NR3C1: variants seen among roughly 807,000 people sequenced by gnomAD.
NR3C1 encodes the protein nuclear receptor subfamily 3 group C member 1, also known as glucocorticoid receptor.
Under a neutral mutation model 74.0 loss-of-function variants are expected in NR3C1, and 14 were observed. The ratio of observed to expected loss-of-function variants is 0.19; its 90% CI spans 0.12 to 0.30. The LOEUF (loss-of-function observed/expected upper bound fraction) is 0.30, where lower values mean the gene tolerates loss of function less well. Ranked by LOEUF, NR3C1 falls within the 10% of genes least tolerant of loss-of-function variation. NR3C1 has a pLI of 1.00. For missense variants in NR3C1, 695 were observed against 909.8 expected (o/e 0.76, Z 3.04); for synonymous variants, 308 against 332.5 (o/e 0.93, Z 0.80).
intron 2 of NR3C1, among the ~76,000 whole-genome samples, chr5:143,363,605 G>A (rs570895935): frequency 3.3e-4 from 50 of 151,790 alleles, no homozygotes; most frequent in Non-Finnish European, 7.2e-4. Context: ...CTTAAAATCA[G>A]CTATTTTAAA....
At chr5:143,387,957 C>T (rs1183465970) in intron 2 of NR3C1, among the ~76,000 whole-genome samples, 6 of 152,178 alleles carry the variant, frequency 3.9e-5, no homozygotes, top group African/African-American at 7.2e-5. Context: ...ATACATTAGA[C>T]TCATCTGCTT....
chr5:143,302,887 A>G (rs1818797106), intron 4 of NR3C1, among the ~76,000 whole-genome samples: 1 of 152,104 alleles, frequency 6.6e-6, no homozygotes, highest in Non-Finnish European at 1.5e-5. Flanking sequence ...GTTGATTAGC[A>G]GTCAATACAG....
intron 4 of NR3C1, among the ~76,000 whole-genome samples, chr5:143,306,874 A>ATTTTTTTTT (rs70991802): frequency 1.9e-4 from 16 of 82,904 alleles, no homozygotes; most frequent in African/African-American, 7.6e-4. Flanking sequence ...GTATGCTTAA[A>ATTTTTTTTT]TTTTTTTTTT....
chr5:143,405,977 C>T (rs1841085439), upstream of NR3C1, among the ~76,000 whole-genome samples: 1 of 152,060 alleles, frequency 6.6e-6, no homozygotes, highest in Non-Finnish European at 1.5e-5. Flanking sequence ...TCATGGGAAA[C>T]AAATCAAGAC....
At chr5:143,346,551 T>G (rs1361902242) in intron 2 of NR3C1, among the ~76,000 whole-genome samples, 1 of 152,224 alleles carries the variant, frequency 6.6e-6, no homozygotes, top group African/African-American at 2.4e-5. Context: ...TAGACTTTTG[T>G]GTTACTGTAA....
At chr5:143,314,516 T>A (rs959693099) in intron 2 of NR3C1, among the ~76,000 whole-genome samples, 1 of 151,976 alleles carries the variant, frequency 6.6e-6, no homozygotes, top group Non-Finnish European at 1.5e-5. Context: ...TCTAAGTCTA[T>A]AATTTATGGT....
Position 143,340,049 on chromosome 5 carries a change from C to T in NR3C1, c.1185-25881G>A, listed in dbSNP as rs572302312. ...ATATTTTTAAAACATTCTATATATG[C>T]GACAAACAATTGGAAAATAAAATTT... On this transcript the variant is annotated intron_variant, in intron 2 of 8. Transcript: ENST00000394464. Among the ~76,000 whole-genome samples the T allele has an allele frequency of 9.2e-5, 14 of 151,824 alleles. No homozygotes were observed. In the South Asian group the frequency reaches 1.0e-3, roughly 11 times the overall value.
At chr5:143,423,452 C>T (rs72802812) in intron 1 of NR3C1, among the ~76,000 whole-genome samples, 24,353 of 151,946 alleles carry the variant, frequency 0.16, 2,183 homozygotes, top group Middle Eastern at 0.34. Context: ...CAGGGAATTA[C>T]GGATGCTCTC....
intron 2 of NR3C1, among the ~76,000 whole-genome samples, chr5:143,353,356 G>A (rs150633814): frequency 1.3e-5 from 2 of 152,144 alleles, no homozygotes; most frequent in East Asian, 1.9e-4. Context: ...CTCCTCCTGC[G>A]AATCACAAAT....
chr5:143,432,823 T>C (rs1260151942), intron 1 of NR3C1, among the ~76,000 whole-genome samples: 1 of 152,162 alleles, frequency 6.6e-6, no homozygotes, highest in Non-Finnish European at 1.5e-5. Flanking sequence ...AGTTTATCTT[T>C]AGAGGCTCCT....
At chr5:143,344,601 G>A (rs543571490) in intron 2 of NR3C1, among the ~76,000 whole-genome samples, 13 of 152,216 alleles carry the variant, frequency 8.5e-5, no homozygotes, top group South Asian at 2.1e-4. Flanking sequence ...GACTGGGCGC[G>A]GTAGCTCACG....
chr5:143,432,177 C>A (rs1219932348), intron 1 of NR3C1, among the ~76,000 whole-genome samples: 1 of 152,196 alleles, frequency 6.6e-6, no homozygotes, highest in Non-Finnish European at 1.5e-5. Context: ...CTGAATGTAG[C>A]ACCAAGTGTG....
rs181739047 is a variant in NR3C1 at position 143,421,663 on chromosome 5, G to A, written c.-14+12869C>T. On this transcript the variant is annotated intron_variant, in intron 1 of 8. Transcript: ENST00000343796. ...TAGCAAAACCCCATCTCTACTAAAC[G>A]TGCCTGTAATTTCAGCCACTTGGGA... Among the ~76,000 whole-genome samples the A allele has an allele frequency of 2.0e-4, 31 of 152,048 alleles. 1 individual carries two copies. In the East Asian group the frequency reaches 5.2e-3, roughly 26 times the overall value.
At chr5:143,432,236 A>G (rs1025556470) in intron 1 of NR3C1, among the ~76,000 whole-genome samples, 1 of 152,222 alleles carries the variant, frequency 6.6e-6, no homozygotes, top group African/African-American at 2.4e-5. Flanking sequence ...AGTGATCTGG[A>G]TCGCTGAATT....
intron 2 of NR3C1, among the ~76,000 whole-genome samples, chr5:143,361,966 A>G (rs1366514651): frequency 2.0e-5 from 3 of 152,340 alleles, no homozygotes; most frequent in East Asian, 3.9e-4. Context: ...GGGGAGTAAC[A>G]GTATTTTTAA....
At position 143,310,160 on chromosome 5, in the gene NR3C1, G is replaced by A. The variant is rs1179581339; in HGVS notation, c.1405C>T (p.Arg469Ter). Residue 469 changes from arginine to a stop codon, truncating the protein, a stop_gained, in exon 4 of 9, where the codon CGA (arginine) becomes TGA (stop). Coordinates refer to ENST00000394464, the MANE Select transcript of NR3C1 (RefSeq NM_000176.3). LOFTEE classifies it high-confidence loss of function. ...CGGCATGCTGGGCAGTTTTTTCTTC[G>A]AATTTTATCGATGATGCAATCATTC... ...GRNDCIIDKI[R>*]RKNCPACRYR... The A allele has an allele frequency of 6.2e-7, 1 of 1,613,874 alleles. No homozygotes were observed.
rs1812935339 is a variant in NR3C1 at position 143,280,551 on chromosome 5, T to TAA, written c.*1336_*1337dup. On this transcript the variant is annotated 3_prime_UTR_variant, in exon 9 of 9. Transcript: ENST00000394464. ...ACTACAGCTTCTATTTTGTTTAAAA[T>TAA]AATTTTCAACAGTGAAGAAATTCAC... The TAA allele has an allele frequency of 6.6e-6, 1 of 152,628 alleles. No individual in the cohort carries two copies. Among genetic ancestry groups the TAA allele is most frequent in the Non-Finnish European group, 1.5e-5 (1 of 68,032 alleles). 9.5% of individuals were successfully genotyped at this position (152,628 alleles called of 1,614,324 possible).
chr5:143,327,362 G>A (rs543366329), intron 2 of NR3C1, among the ~76,000 whole-genome samples: 23 of 152,144 alleles, frequency 1.5e-4, no homozygotes, highest in African/African-American at 4.3e-4. Flanking sequence ...CAAAACATGC[G>A]GGTTACAATT....
At chr5:143,335,219 T>A (rs1826881574) in intron 2 of NR3C1, among the ~76,000 whole-genome samples, 1 of 152,190 alleles carries the variant, frequency 6.6e-6, no homozygotes, top group Non-Finnish European at 1.5e-5. Context: ...GCTGGCCCCA[T>A]TTTTCATTCA....
Sources: allele counts gnomAD v4.1 joint callset (sites outside exome capture counted in the v4.1 genomes callset), GRCh38; gene constraint gnomAD v4.1.1; transcripts MANE v1.5; gene names NCBI Gene and HGNC (gene_info 2026-07-23, HGNC 2026-07-21).